B3GALT1: variants seen among roughly 807,000 people sequenced by gnomAD.
B3GALT1 encodes the protein beta-1,3-galactosyltransferase 1, also known as UDP-Gal:betaGlcNAc beta 1,3-galactosyltransferase, polypeptide 1.
In B3GALT1, 10 loss-of-function variants were observed where a neutral mutation model predicts 23.2. That is an observed-to-expected ratio of 0.43 (90% confidence interval 0.27 to 0.73). The LOEUF is 0.73. Among genes scored for constraint, B3GALT1 ranks in the 30% least tolerant of loss-of-function variants. The pLI is 0.21. For synonymous variants in B3GALT1, 156 were observed against 141.5 expected (o/e 1.10, Z -0.73); for missense variants, 299 against 405.4 (o/e 0.74, Z 2.25).
intron 2 of B3GALT1, among the ~76,000 whole-genome samples, chr2:167,535,158 A>G (rs1683395021): frequency 2.0e-5 from 3 of 152,312 alleles, no homozygotes. Flanking sequence ...AGAGTAAGTC[A>G]TTAGAAAGTA....
chr2:167,408,556 T>C (rs896360482), intron 1 of B3GALT1, among the ~76,000 whole-genome samples: 3 of 151,910 alleles, frequency 2.0e-5, no homozygotes, highest in African/African-American at 4.8e-5. Flanking sequence ...GATATCCAAA[T>C]TGGAAAGGAA....
chr2:167,795,664 C>T (rs1688534868), intron 3 of B3GALT1, among the ~76,000 whole-genome samples: 1 of 152,180 alleles, frequency 6.6e-6, no homozygotes, highest in Non-Finnish European at 1.5e-5. Context: ...CCCACATCCT[C>T]TACCAACAGG....
At chr2:167,631,026 G>C (rs1187967993) in intron 2 of B3GALT1, among the ~76,000 whole-genome samples, 1 of 138,434 alleles carries the variant, frequency 7.2e-6, no homozygotes, top group Non-Finnish European at 1.5e-5. Flanking sequence ...AAAAGGGGGG[G>C]GAATTTTACT....
chr2:167,653,461 T>G (rs1353064823), intron 3 of B3GALT1, among the ~76,000 whole-genome samples: 2 of 152,160 alleles, frequency 1.3e-5, no homozygotes, highest in African/African-American at 4.8e-5. Context: ...GTAGCTTCAC[T>G]CCAAGCATCT....
intron 2 of B3GALT1, among the ~76,000 whole-genome samples, chr2:167,537,400 T>A (rs1160771771): frequency 6.6e-6 from 1 of 151,924 alleles, no homozygotes; most frequent in Non-Finnish European, 1.5e-5. Flanking sequence ...GGAAAAAAAA[T>A]TACAGTATCT....
At chr2:167,294,629 A>T (rs890584430) in intron 1 of B3GALT1, among the ~76,000 whole-genome samples, 1 of 152,122 alleles carries the variant, frequency 6.6e-6, no homozygotes, top group Non-Finnish European at 1.5e-5. Flanking sequence ...AAATACCTCA[A>T]TACTAAGGAG....
chr2:167,758,169 A>G (rs1167591557), intron 3 of B3GALT1, among the ~76,000 whole-genome samples: 1 of 152,002 alleles, frequency 6.6e-6, no homozygotes, highest in Non-Finnish European at 1.5e-5. Flanking sequence ...TCTGTCGAAT[A>G]GGACTGTAAT....
intron 1 of B3GALT1, among the ~76,000 whole-genome samples, chr2:167,364,807 T>A (rs533274274): frequency 6.6e-6 from 1 of 152,316 alleles, no homozygotes; most frequent in African/African-American, 2.4e-5. Flanking sequence ...TCTTTTTCTT[T>A]ACTTTGTCCT....
chr2:167,470,049 A>G (rs1338600858), intron 1 of B3GALT1, among the ~76,000 whole-genome samples: 1 of 152,134 alleles, frequency 6.6e-6, no homozygotes, highest in Non-Finnish European at 1.5e-5. Flanking sequence ...TCTCATCACA[A>G]TATCCTTCCT....
intron 2 of B3GALT1, among the ~76,000 whole-genome samples, chr2:167,592,625 G>A (rs1262710045): frequency 2.0e-5 from 3 of 152,164 alleles, no homozygotes; most frequent in Non-Finnish European, 4.4e-5. Context: ...TGGCTTTGGA[G>A]GGTAGAACCC....
intron 1 of B3GALT1, among the ~76,000 whole-genome samples, chr2:167,476,109 G>A (rs1699481463): frequency 6.6e-6 from 1 of 152,110 alleles, no homozygotes; most frequent in Admixed American, 6.6e-5. Flanking sequence ...CACACTCTGA[G>A]GTCTTCAGGG....
In B3GALT1 at chr2:167,450,816, A is replaced by C. The variant is rs935719068; in HGVS notation, c.-510-39361A>C. On this transcript the variant is annotated intron_variant, in intron 1 of 4. Coordinates refer to ENST00000392690, the MANE Select transcript of B3GALT1 (RefSeq NM_020981.4). ...CCAAACTTTTAGATTTCTTTTCTTC[A>C]TCAGGAACATCAATTATTCTTAGGT... is the stretch of plus-strand genomic sequence containing the variant. Among the ~76,000 whole-genome samples, 9 of 152,220 alleles carry C rather than the reference A, an allele frequency of 5.9e-5. 1 individual carries two copies. The South Asian group carries it at 1.9e-3, about 32-fold the overall frequency.
intron 2 of B3GALT1, among the ~76,000 whole-genome samples, chr2:167,545,324 C>CA (rs1683616973): frequency 6.6e-6 from 1 of 152,006 alleles, no homozygotes; most frequent in African/African-American, 2.4e-5. Context: ...CGTGAGCCAC[C>CA]GGCCCGGTGT....
intron 2 of B3GALT1, among the ~76,000 whole-genome samples, chr2:167,620,530 TATATTTGCAAATCTC>T (rs1489805992): frequency 4.6e-5 from 7 of 152,134 alleles, no homozygotes; most frequent in African/African-American, 1.7e-4. Context: ...ATTTTATATT[TATATTTGCAAATCTC>T]ATATTTGCAA....
At chr2:167,430,696 A>G (rs1428436529) in intron 1 of B3GALT1, among the ~76,000 whole-genome samples, 1 of 152,156 alleles carries the variant, frequency 6.6e-6, no homozygotes, top group Non-Finnish European at 1.5e-5. Context: ...TGGAGTTGAT[A>G]CTAACTAGAT....
chr2:167,681,114 T>G (rs1686522382), intron 3 of B3GALT1, among the ~76,000 whole-genome samples: 1 of 152,104 alleles, frequency 6.6e-6, no homozygotes, highest in Admixed American at 6.5e-5. Flanking sequence ...GGGGATGGAA[T>G]AGAAATGAGG....
At chr2:167,331,672 T>C (rs940817234) in intron 1 of B3GALT1, among the ~76,000 whole-genome samples, 17 of 151,914 alleles carry the variant, frequency 1.1e-4, no homozygotes, top group Admixed American at 2.6e-4. Context: ...TAGTATTGGA[T>C]TGGGGAGGAG....
chr2:167,697,059 C>G (rs904199371), intron 3 of B3GALT1, among the ~76,000 whole-genome samples: 1 of 152,142 alleles, frequency 6.6e-6, no homozygotes, highest in Admixed American at 6.5e-5. Flanking sequence ...ATGCATTGCT[C>G]TCAAGGCAGA....
At chr2:167,740,304 A>G (rs1421805211) in intron 3 of B3GALT1, among the ~76,000 whole-genome samples, 2 of 152,070 alleles carry the variant, frequency 1.3e-5, no homozygotes, top group Non-Finnish European at 2.9e-5. Context: ...AAAATGAAGC[A>G]TATATTTTAA....
Sources: allele counts gnomAD v4.1 joint callset (sites outside exome capture counted in the v4.1 genomes callset), GRCh38; gene constraint gnomAD v4.1.1; transcripts MANE v1.5; gene names NCBI Gene and HGNC (gene_info 2026-07-23, HGNC 2026-07-21).